The following UBR4 variants were observed in gnomAD, a reference collection of about 807,000 sequenced individuals.
The protein encoded by UBR4 is ubiquitin protein ligase E3 component n-recognin 4.
In UBR4, 124 loss-of-function variants were observed where a neutral mutation model predicts 575.6. The ratio of observed to expected loss-of-function variants is 0.22; its 90% CI spans 0.19 to 0.25. The LOEUF is 0.25. Among genes scored for constraint, UBR4 ranks in the 10% least tolerant of loss-of-function variants. The pLI is 1.00. For missense variants in UBR4, 4,818 were observed against 6,478.8 expected, an observed-to-expected ratio of 0.74 and a Z score of 8.80; for synonymous variants, 2,455 against 2,473.7, an observed-to-expected ratio of 0.99 and a Z score of 0.22.
intron 2 of UBR4, among the ~76,000 whole-genome samples, chr1:19,200,294 T>A (rs992762887): frequency 2.8e-5 from 4 of 143,358 alleles, no homozygotes; most frequent in Non-Finnish European, 6.2e-5. Flanking sequence ...AAAAAAAAAA[T>A]CTCATAATGT....
chr1:19,118,904 A>G lies in UBR4; in HGVS notation c.10509T>C (p.Ile3503=), dbSNP rs766598649. ...AVEILRTQNH[I]LTNHPNSNIY... ...TGTTCGAGTTGGGGTGGTTGGTAAG[A>G]ATATGGTTTTGAGTCCGCAGAATCT... Residue 3503 remains isoleucine (I), a synonymous_variant, in exon 71 of 106, where the codon ATT becomes ATC. Coordinates refer to ENST00000375254, the MANE Select transcript of UBR4 (RefSeq NM_020765.3). 1 of 1,614,228 alleles carries G rather than the reference A, an allele frequency of 6.2e-7. No individual in the cohort carries two copies. Among genetic ancestry groups the G allele is most frequent in the South Asian group, 1.1e-5 (1 of 91,082 alleles).
chr1:19,175,225 C>G (rs1199812376), intron 20 of UBR4, among the ~76,000 whole-genome samples, 192 bp from the exon 21 acceptor site: 1 of 151,728 alleles, frequency 6.6e-6, no homozygotes. Context: ...GCAGCCCTGG[C>G]CTCTACCCCC....
At chr1:19,121,837 A>C (rs534283407) in intron 67 of UBR4, 97 bp downstream of exon 67, 1 of 1,354,538 alleles carries the variant, frequency 7.4e-7, no homozygotes, top group African/African-American at 1.4e-5. Context: ...GTTCACAGCT[A>C]TATCTCCAGC....
intron 1 of UBR4, among the ~76,000 whole-genome samples, chr1:19,209,467 T>C (rs1172362480): frequency 1.3e-5 from 2 of 152,264 alleles, no homozygotes; most frequent in African/African-American, 2.4e-5. Flanking sequence ...GCGAGGGGGA[T>C]GGGAGGCAGC....
At chr1:19,180,916 T>A (rs571107990) in intron 17 of UBR4, among the ~76,000 whole-genome samples, 1 of 152,242 alleles carries the variant, frequency 6.6e-6, no homozygotes, top group Non-Finnish European at 1.5e-5. Context: ...CTTCCTCCAC[T>A]CCTCTTTCAT....
At chr1:19,131,892 A>C (rs1469219387) in intron 60 of UBR4, among the ~76,000 whole-genome samples, 4 of 152,176 alleles carry the variant, frequency 2.6e-5, no homozygotes, top group Non-Finnish European at 5.9e-5. Flanking sequence ...AACAAACAAA[A>C]AAATCTACAA....
intron 9 of UBR4, among the ~76,000 whole-genome samples, chr1:19,193,111 G>A (rs1035273914): frequency 1.4e-4 from 21 of 152,088 alleles, no homozygotes; most frequent in Admixed American, 9.2e-4. Context: ...TTGTTTCAGC[G>A]CACTTAATCA....
In UBR4 at chr1:19,113,794, T is replaced by C; in HGVS notation, c.11362A>G (p.Thr3788Ala). Residue 3788 changes from threonine (T) to alanine (A), a missense_variant, in exon 77 of 106, where the codon ACT becomes GCT. Coordinates refer to ENST00000375254, the MANE Select transcript of UBR4 (RefSeq NM_020765.3). Reference protein sequence around the residue: ...DSGTAGGISSTSASVNRYILQ... With the variant: ...DSGTAGGISSASASVNRYILQ... ...ATGTAACGATTCACACTGGCAGAAG[T>C]GGAGCTGATGCCCCCTGCTGTTCCT... The C allele has an allele frequency of 6.2e-7, 1 of 1,614,240 alleles. No individual in the cohort carries two copies. Among genetic ancestry groups the C allele is most frequent in the Non-Finnish European group, 8.5e-7 (1 of 1,180,034 alleles).
rs557021305 is a variant in UBR4, at chr1:19,100,874, C to T, written c.13024-301G>A. On this transcript the variant is annotated intron_variant, in intron 88 of 105. Transcript: ENST00000375254. The surrounding 1 kb of genome is among the most constrained non-coding windows in gnomAD (Gnocchi z 4.2). ...ATATTAAAAAATCGGGGAAGGGGTG[C>T]GAGGAGGGACTTTCCTTCCTCCTCC... Among the ~76,000 whole-genome samples, 13 of 151,788 alleles carry T rather than the reference C, an allele frequency of 8.6e-5. No individual in the cohort carries two copies. The South Asian group carries it at 1.3e-3, about 15-fold the overall frequency.
intron 97 of UBR4, among the ~76,000 whole-genome samples, chr1:19,091,543 C>T (rs2077511062): frequency 6.6e-6 from 1 of 152,190 alleles, no homozygotes; most frequent in African/African-American, 2.4e-5. Flanking sequence ...AGACATTTCA[C>T]TGAAGATACA....
chr1:19,118,987 T>C (rs373004440), intron 70 of UBR4, 30 bp from the exon 71 acceptor site: 101 of 1,607,316 alleles, frequency 6.3e-5, no homozygotes, highest in Non-Finnish European at 7.9e-5. Context: ...AGAAACAACT[T>C]AAAGCCCAAG....
intron 65 of UBR4, 156 bp downstream of exon 65, chr1:19,124,385 C>T (rs527746850): frequency 2.5e-5 from 23 of 925,358 alleles, no homozygotes; most frequent in African/African-American, 1.7e-4. Context: ...TTCTACCACA[C>T]AGTATGTTCC....
At position 19,161,137 on chromosome 1, in the gene UBR4, T is replaced by C. The variant is rs755796000; in HGVS notation, c.5186A>G (p.Lys1729Arg). The C allele has an allele frequency of 1.7e-5, 27 of 1,613,874 alleles. No homozygotes were observed. Among genetic ancestry groups the C allele is most frequent in the Non-Finnish European group, 2.1e-5 (25 of 1,179,960 alleles). Reference protein sequence around the residue: ...KEDGSCLALVKRTPSSGMSST... With the variant: ...KEDGSCLALVRRTPSSGMSST... Reference sequence around the variant, plus strand: ...GCTCATGCCACTGCTAGGAGTTCTCTTCACCAGAGCCTAGGGACAGAAAAT... The same window carrying C: ...GCTCATGCCACTGCTAGGAGTTCTCCTCACCAGAGCCTAGGGACAGAAAAT... The change falls in exon 38 of 106, where the codon AAG becomes AGG. Residue 1729 changes from lysine to arginine, a missense_variant. Transcript: ENST00000375254.
intron 11 of UBR4, 75 bp downstream of exon 11, chr1:19,192,105 TATGAAGTC>T: frequency 6.7e-7 from 1 of 1,492,936 alleles, no homozygotes; most frequent in Non-Finnish European, 9.0e-7. Flanking sequence ...TTCCTATTGA[TATGAAGTC>T]ATACTAGCTC....
chr1:19,118,021 A>G (rs2149421054), intron 71 of UBR4, 111 bp from the exon 72 acceptor site: 1 of 963,884 alleles, frequency 1.0e-6, no homozygotes, highest in East Asian at 2.5e-5. Context: ...AGTGAGCCCA[A>G]AGTGAGCCCC....
At position 19,104,263 on chromosome 1, in the gene UBR4, GA is replaced by G; in HGVS notation, c.12728-7del. 1.9e-6 allele frequency: 3 copies of G among 1,613,786 alleles called. No homozygotes were observed. In the South Asian group the frequency reaches 3.3e-5, roughly 18 times the overall value. On this transcript the variant is annotated splice_region_variant and splice_polypyrimidine_tract_variant and intron_variant, in intron 86 of 105. Transcript: ENST00000375254. ...AACAAAGGAGGAGAGAAGGCCTGTG[GA>G]GACAGGAAAATGTTGCTGTGAGAGC...
At chr1:19,201,995 C>A (rs1485939871) in intron 1 of UBR4, among the ~76,000 whole-genome samples, 180 bp from the exon 2 acceptor site, 2 of 152,136 alleles carry the variant, frequency 1.3e-5, no homozygotes, top group Non-Finnish European at 2.9e-5. Context: ...GAGTTCAAGA[C>A]CAGCTTGGCC....
In UBR4 at chr1:19,100,071, G is replaced by T; in HGVS notation, c.13221+305C>A. 1 of 450,580 alleles carries T rather than the reference G, an allele frequency of 2.2e-6. No homozygotes were observed. The highest frequency in any genetic ancestry group is 4.0e-6 in the Non-Finnish European group (1 of 252,932). The allele number at this position is 450,580 out of a possible 1,614,324, so 27.9% of individuals were successfully genotyped here. A position where few individuals can be genotyped will look rare whatever the true frequency, so the allele number is the denominator to read the frequency against. ...ATATTTAGGGGGCTCAGGTAACTCA[G>T]ACTCACCGAGAAGTCTCTGCCAGAG... On this transcript the variant is annotated intron_variant, in intron 89 of 105. Coordinates refer to ENST00000375254, the MANE Select transcript of UBR4 (RefSeq NM_020765.3). The surrounding 1 kb of genome is among the most constrained non-coding windows in gnomAD (Gnocchi z 4.2).
At position 19,122,303 on chromosome 1, in the gene UBR4, C is replaced by T. The variant is rs12094943; in HGVS notation, c.9817-291G>A. Among the ~76,000 whole-genome samples, 1,349 of 152,280 alleles carry T rather than the reference C, an allele frequency of 8.9e-3. 18 individuals carry two copies. The highest frequency in any genetic ancestry group is 0.031 in the African/African-American group (1,273 of 41,542). On this transcript the variant is annotated intron_variant, in intron 66 of 105. Coordinates refer to ENST00000375254, the MANE Select transcript of UBR4 (RefSeq NM_020765.3). ...AATAAGGCAACAGCAAAAGGTAGACCATGACCTAAGAAACTATAATCCAGT... is the reference window on the plus strand; with the variant it reads ...AATAAGGCAACAGCAAAAGGTAGACTATGACCTAAGAAACTATAATCCAGT...
Sources: gnomAD v4.1 joint callset for allele counts (sites outside exome capture counted in the v4.1 genomes callset) on GRCh38, gnomAD v4.1.1 for gene constraint, Gnocchi (gnomAD v3.1) non-coding constraint, MANE v1.5 for transcripts, NCBI Gene and HGNC (gene_info 2026-07-23, HGNC 2026-07-21) for gene names.